The following OR51B5 variants were observed in gnomAD, a reference collection of about 807,000 sequenced individuals.
OR51B5 encodes the protein olfactory receptor 51B5.
For missense variants in OR51B5, 456 were observed against 374.6 expected (o/e 1.22, Z -1.79); for synonymous variants, 186 against 144.8 (o/e 1.28, Z -2.04).
At chr11:5,471,285 C>T (rs1851224273) in intron 1 of OR51B5, among the ~76,000 whole-genome samples, 1 of 152,176 alleles carries the variant, frequency 6.6e-6, no homozygotes, top group Non-Finnish European at 1.5e-5. Context: ...AGTGACAGGG[C>T]ATAGAGAGCC....
At chr11:5,360,876 C>T in intron 1 of OR51B5, among the ~76,000 whole-genome samples, 1 of 151,106 alleles carries the variant, frequency 6.6e-6, no homozygotes, top group Non-Finnish European at 1.5e-5. Flanking sequence ...TCATTCTCAG[C>T]AAACTATCGC....
intron 1 of OR51B5, chr11:5,423,101 A>T (rs1484604834): frequency 1.2e-6 from 2 of 1,609,814 alleles, no homozygotes; most frequent in Non-Finnish European, 1.7e-6. Context: ...GAACAAGCAG[A>T]TCCAATGGGG....
chr11:5,413,508 C>G (rs995718802), intron 1 of OR51B5, among the ~76,000 whole-genome samples: 1 of 151,938 alleles, frequency 6.6e-6, no homozygotes, highest in Non-Finnish European at 1.5e-5. Context: ...AAATTCAAAC[C>G]AAAGGCAAAG....
intron 1 of OR51B5, among the ~76,000 whole-genome samples, chr11:5,350,533 T>C (rs1431910953): frequency 6.6e-6 from 1 of 152,162 alleles, no homozygotes; most frequent in Non-Finnish European, 1.5e-5. Context: ...ATCTTAGAAT[T>C]CTAATGAGTC....
intron 1 of OR51B5, among the ~76,000 whole-genome samples, chr11:5,431,904 A>T (rs1329044763): frequency 6.6e-6 from 1 of 152,168 alleles, no homozygotes; most frequent in Non-Finnish European, 1.5e-5. Flanking sequence ...TGGATGCATA[A>T]TATTTGTACA....
chr11:5,490,519 G>T (rs1260766656), intron 1 of OR51B5, among the ~76,000 whole-genome samples: 1 of 152,060 alleles, frequency 6.6e-6, no homozygotes, highest in Non-Finnish European at 1.5e-5. Context: ...GAATTCAGGG[G>T]AGCCAGCCCC....
At chr11:5,459,107 A>G (rs1445703532) in intron 1 of OR51B5, among the ~76,000 whole-genome samples, 2 of 152,158 alleles carry the variant, frequency 1.3e-5, no homozygotes, top group African/African-American at 4.8e-5. Context: ...GACAGTTCTT[A>G]TTATTTTGAG....
chr11:5,464,377 C>A (rs926947620), intron 1 of OR51B5, among the ~76,000 whole-genome samples: 1 of 151,860 alleles, frequency 6.6e-6, no homozygotes, highest in Non-Finnish European at 1.5e-5. Flanking sequence ...CATGCTGGTG[C>A]GCTGCACCCA....
chr11:5,383,193 T>G (rs1489452989), intron 1 of OR51B5, among the ~76,000 whole-genome samples: 2 of 152,140 alleles, frequency 1.3e-5, no homozygotes, highest in Non-Finnish European at 2.9e-5. Context: ...GAAAGTCCAG[T>G]GCATTCAAAG....
chr11:5,364,843 C>T (rs182784897), intron 1 of OR51B5, among the ~76,000 whole-genome samples: 1 of 152,270 alleles, frequency 6.6e-6, no homozygotes, highest in African/African-American at 2.4e-5. Context: ...GTTACCTTTC[C>T]TAAGTTTCTA....
chr11:5,457,756 C>T lies in OR51B5; in HGVS notation n.84+47813G>A, dbSNP rs894666091. On this transcript the variant is annotated intron_variant and non_coding_transcript_variant, in intron 1 of 4. Transcript: ENST00000415970. ...CATTCCTTTATATGCTTGTTGGCCA[C>T]GTATATGTCTTCTTTTGAGAAGGAT... Among the ~76,000 whole-genome samples, 8 of 152,236 alleles carry T rather than the reference C, an allele frequency of 5.3e-5. No individual in the cohort carries two copies. In the South Asian group the frequency reaches 6.2e-4, roughly 12 times the overall value.
intron 1 of OR51B5, among the ~76,000 whole-genome samples, chr11:5,444,975 CCT>C (rs1324654779): frequency 6.6e-6 from 1 of 152,142 alleles, no homozygotes; most frequent in Non-Finnish European, 1.5e-5. Context: ...ACAGATACCC[CCT>C]TAGACCTATT....
At chr11:5,375,272 C>T (rs1310724896) in intron 1 of OR51B5, among the ~76,000 whole-genome samples, 1 of 151,112 alleles carries the variant, frequency 6.6e-6, no homozygotes, top group Non-Finnish European at 1.5e-5. Flanking sequence ...ACTTTACAGA[C>T]AAGCAAATGC....
chr11:5,381,222 TAACA>T (rs1427014737), intron 1 of OR51B5, among the ~76,000 whole-genome samples: 1 of 150,642 alleles, frequency 6.6e-6, no homozygotes, highest in African/African-American at 2.4e-5. Context: ...ATTTGCACAT[TAACA>T]AATAGGTACA....
intron 1 of OR51B5, among the ~76,000 whole-genome samples, chr11:5,499,252 T>G (rs892229402): frequency 3.9e-5 from 1 of 25,484 alleles, no homozygotes; most frequent in African/African-American, 1.3e-4. Context: ...AAATAGCATT[T>G]AAATTGTTAA....
intron 1 of OR51B5, among the ~76,000 whole-genome samples, chr11:5,405,595 A>C (rs2253785): frequency 0.84 from 127,358 of 151,956 alleles, 53,860 homozygotes; most frequent in Non-Finnish European, 0.89. Flanking sequence ...TGTTTAGAAA[A>C]AACTTTTAAA....
chr11:5,423,478 A>T (rs1564809030), intron 1 of OR51B5, among the ~76,000 whole-genome samples: 1 of 152,198 alleles, frequency 6.6e-6, no homozygotes, highest in Non-Finnish European at 1.5e-5. Context: ...GTTTAAACTT[A>T]AACTCCCAGA....
At chr11:5,491,692 T>C (rs1197994735) in intron 1 of OR51B5, among the ~76,000 whole-genome samples, 2 of 152,160 alleles carry the variant, frequency 1.3e-5, no homozygotes, top group Non-Finnish European at 1.5e-5. Flanking sequence ...GTTACTGAAG[T>C]TTGAAGTAAA....
chr11:5,434,991 T>C (rs74338885), intron 1 of OR51B5, among the ~76,000 whole-genome samples: 5 of 152,086 alleles, frequency 3.3e-5, no homozygotes, highest in Admixed American at 1.3e-4. Flanking sequence ...GAATGGCAGA[T>C]AGATTTTTTT....
Sources: allele counts gnomAD v4.1 joint callset (sites outside exome capture counted in the v4.1 genomes callset), GRCh38; gene constraint gnomAD v4.1.1; transcripts MANE v1.5; gene names NCBI Gene and HGNC (gene_info 2026-07-23, HGNC 2026-07-21).